Variants in DIO1 observed in about 807,000 individuals in gnomAD.
The protein encoded by DIO1 is iodothyronine deiodinase 1.
DIO1 carries 17 observed loss-of-function variants against 25.9 expected under a neutral mutation model. That is an observed-to-expected ratio of 0.66 (90% CI 0.45 to 0.98). The LOEUF is 0.98. Among genes scored for constraint, DIO1 ranks in the 50% least tolerant of loss-of-function variants. The pLI is 0.00. For missense variants in DIO1, 270 were observed against 310.4 expected, an observed-to-expected ratio of 0.87 and a Z score of 0.98; for synonymous variants, 115 against 114.0, an observed-to-expected ratio of 1.01 and a Z score of -0.05.
Position 53,906,298 on chromosome 1 carries a change from G to T in DIO1, c.681+4G>T, listed in dbSNP as rs376298409. On this transcript the variant is annotated splice_donor_region_variant and intron_variant, in intron 3 of 3. Coordinates refer to ENST00000361921, the MANE Select transcript of DIO1 (RefSeq NM_000792.7). ...GGAGGGCAGGATCCTCTACAAGGTG[G>T]TGACCTGGGGACAGGGGGCCCAGGG... 6.2e-6 allele frequency: 10 copies of T among 1,607,644 alleles called. No individual in the cohort carries two copies. The Middle Eastern group carries it at 7.3e-4, about 117-fold the overall frequency.
Position 53,910,708 on chromosome 1 carries a change from C to G in DIO1, c.*709C>G, listed in dbSNP as rs1651905386. 1 of 152,348 alleles carries G rather than the reference C, an allele frequency of 6.6e-6. No homozygotes were observed. The highest frequency in any genetic ancestry group is 2.4e-5 in the African/African-American group (1 of 41,454). 9.4% of individuals were successfully genotyped at this position (152,348 alleles called of 1,614,324 possible). A position where few individuals can be genotyped will look rare whatever the true frequency, so the allele number is the denominator to read the frequency against. ...ATCTTTGAATATATTTCATAGAAAT[C>G]TAGCTCTCTGTACCCTGAAATCTTC... is the stretch of plus-strand genomic sequence containing the variant. On this transcript the variant is annotated 3_prime_UTR_variant, in exon 4 of 4. Transcript: ENST00000361921.
chr1:53,899,996 C>T (rs914604814), intron 1 of DIO1, among the ~76,000 whole-genome samples: 2 of 152,296 alleles, frequency 1.3e-5, no homozygotes, highest in African/African-American at 4.8e-5. Flanking sequence ...CCTGGGCCTC[C>T]TTGTCACATG....
Position 53,894,861 on chromosome 1 carries a change from A to G in DIO1, c.337+314A>G, listed in dbSNP as rs903027700. 6.6e-6 allele frequency among the ~76,000 whole-genome samples: 1 copy of G among 152,192 alleles called. No individual in the cohort carries two copies. Among genetic ancestry groups the G allele is most frequent in the African/African-American group, 2.4e-5 (1 of 41,454 alleles). On this transcript the variant is annotated intron_variant, in intron 1 of 3. Transcript: ENST00000361921. The surrounding 1 kb of genome is among the most constrained non-coding windows in gnomAD (Gnocchi z 4.9). Reference sequence around the variant, plus strand: ...CTCTCTGCCTGGTTAACTCTTGTTCAATCTTCAGACTGTTGCTCAATGACG... The same window carrying G: ...CTCTCTGCCTGGTTAACTCTTGTTCGATCTTCAGACTGTTGCTCAATGACG...
chr1:53,906,313 G>A lies in DIO1; in HGVS notation c.681+19G>A, dbSNP rs750192102. 2 of 1,597,126 alleles carry A rather than the reference G, an allele frequency of 1.3e-6. No homozygotes were observed. Among genetic ancestry groups the A allele is most frequent in the South Asian group, 2.2e-5 (2 of 90,148 alleles). ...CTACAAGGTGGTGACCTGGGGACAG[G>A]GGGCCCAGGGAGGGCAAAGGGGCCC... is the stretch of plus-strand genomic sequence containing the variant. On this transcript the variant is annotated intron_variant, in intron 3 of 3. Transcript: ENST00000361921.
chr1:53,895,644 A>G (rs1245240808), intron 1 of DIO1, among the ~76,000 whole-genome samples: 1 of 152,162 alleles, frequency 6.6e-6, no homozygotes, highest in Non-Finnish European at 1.5e-5. Context: ...TACCAGCTCA[A>G]CCACTTTCAG....
At chr1:53,903,516 T>A (rs1017194465) in intron 1 of DIO1, among the ~76,000 whole-genome samples, 2 of 151,790 alleles carry the variant, frequency 1.3e-5, no homozygotes, top group African/African-American at 4.9e-5. Flanking sequence ...AAAGACACGA[T>A]GCCAGGTCAA....
chr1:53,896,366 C>T (rs1165898513), intron 1 of DIO1, among the ~76,000 whole-genome samples: 1 of 151,942 alleles, frequency 6.6e-6, no homozygotes, highest in Non-Finnish European at 1.5e-5. Flanking sequence ...AACAAGTGCA[C>T]ACCACAATGC....
In DIO1 at chr1:53,894,695, A is replaced by G; in HGVS notation, c.337+148A>G. The G allele has an allele frequency of 1.4e-6, 1 of 733,494 alleles. No individual in the cohort carries two copies. Among genetic ancestry groups the G allele is most frequent in the Non-Finnish European group, 2.2e-6 (1 of 460,086 alleles). 45.4% of individuals were successfully genotyped at this position (733,494 alleles called of 1,614,324 possible). On this transcript the variant is annotated intron_variant, in intron 1 of 3. Transcript: ENST00000361921. This position sits in a 1 kb window ranked among gnomAD's most constrained non-coding sequence, Gnocchi z 4.9. ...TCCTCTTCCTGCTTCCTGAAACTAG[A>G]ACTTCTTGTGGATTGTTTCTCTAAG... is the stretch of plus-strand genomic sequence containing the variant.
chr1:53,905,251 T>C (rs937535169), intron 2 of DIO1, among the ~76,000 whole-genome samples: 14 of 149,872 alleles, frequency 9.3e-5, no homozygotes, highest in African/African-American at 3.2e-4. Context: ...CATGGCTCAC[T>C]GCAGCCTCAA....
intron 3 of DIO1, among the ~76,000 whole-genome samples, chr1:53,907,913 GAAAAAAA>G (rs34264508): frequency 6.4e-5 from 3 of 46,782 alleles, no homozygotes; most frequent in South Asian, 1.2e-3. Context: ...CTCTGTCTCG[GAAAAAAA>G]AAAAAAAAAA....
At chr1:53,904,311 GA>G (rs774511166) in intron 1 of DIO1, among the ~76,000 whole-genome samples, 52 of 152,236 alleles carry the variant, frequency 3.4e-4, no homozygotes, top group African/African-American at 9.9e-4. Flanking sequence ...AAAATGGGGG[GA>G]AAAAATGACC....
chr1:53,894,201 C>A lies in DIO1; in HGVS notation c.-10C>A. On this transcript the variant is annotated 5_prime_UTR_variant, in exon 1 of 4. Coordinates refer to ENST00000361921, the MANE Select transcript of DIO1 (RefSeq NM_000792.7). This position sits in a 1 kb window ranked among gnomAD's most constrained non-coding sequence, Gnocchi z 4.9. ...CCATAGAACTCAGAGCTTACTCTGGCTTTGCCGAGATGGGGCTGCCCCAGC... is the reference window on the plus strand; with the variant it reads ...CCATAGAACTCAGAGCTTACTCTGGATTTGCCGAGATGGGGCTGCCCCAGC... 1 of 1,607,904 alleles carries A rather than the reference C, an allele frequency of 6.2e-7. No homozygotes were observed. Among genetic ancestry groups the A allele is most frequent in the Non-Finnish European group, 8.5e-7 (1 of 1,176,336 alleles).
chr1:53,907,913 G>GAA (rs34264508), intron 3 of DIO1, among the ~76,000 whole-genome samples: 3 of 46,772 alleles, frequency 6.4e-5, no homozygotes, highest in Admixed American at 2.3e-4. Flanking sequence ...CTCTGTCTCG[G>GAA]AAAAAAAAAA....
chr1:53,901,898 C>CAA (rs11291749), intron 1 of DIO1, among the ~76,000 whole-genome samples: 3 of 130,524 alleles, frequency 2.3e-5, no homozygotes, highest in South Asian at 4.8e-4. Context: ...TCTCATCTCT[C>CAA]AAAAAAAAAA....
chr1:53,908,198 G>A (rs548321433), intron 3 of DIO1, among the ~76,000 whole-genome samples: 120 of 152,088 alleles, frequency 7.9e-4, no homozygotes, highest in African/African-American at 2.8e-3. Context: ...CTCCAGTCTT[G>A]GCAACAGAGC....
At chr1:53,900,853 G>A (rs1019698034) in intron 1 of DIO1, among the ~76,000 whole-genome samples, 1 of 151,946 alleles carries the variant, frequency 6.6e-6, no homozygotes, top group African/African-American at 2.4e-5. Flanking sequence ...CTCATTCTGT[G>A]GCCCAGGCTG....
chr1:53,910,305 C>T lies in DIO1; in HGVS notation c.*306C>T, dbSNP rs1169786345. 2.7e-6 allele frequency: 1 copy of T among 373,922 alleles called. No homozygotes were observed. The highest frequency in any genetic ancestry group is 3.1e-5 in the South Asian group (1 of 32,606). The allele number at this position is 373,922 out of a possible 1,614,324, so 23.2% of individuals were successfully genotyped here. ...CTGCTCCCACTTTGGAGACCACATT[C>T]CCTGCACACGGTCTTTGAGAGAGCA... On this transcript the variant is annotated 3_prime_UTR_variant, in exon 4 of 4. Coordinates refer to ENST00000361921, the MANE Select transcript of DIO1 (RefSeq NM_000792.7).
Position 53,904,757 on chromosome 1 carries a change from T to C in DIO1, c.429T>C (p.Phe143=). The C allele has an allele frequency of 1.2e-6, 2 of 1,613,648 alleles. No individual in the cohort carries two copies. Among genetic ancestry groups the C allele is most frequent in the Non-Finnish European group, 1.7e-6 (2 of 1,179,802 alleles). ...FDQFKRLIED[F]SSIADFLVIY... ...AGTTCAAGAGGCTTATTGAAGACTT[T>C]AGTTCCATAGCAGATTTTCTTGTCA... The change falls in exon 2 of 4, where the codon TTT becomes TTC. Residue 143 remains phenylalanine, a synonymous_variant. Coordinates refer to ENST00000361921, the MANE Select transcript of DIO1 (RefSeq NM_000792.7).
At position 53,906,243 on chromosome 1, in the gene DIO1, A is replaced by G; in HGVS notation, c.630A>G (p.Ala210=). The G allele has an allele frequency of 6.2e-7, 1 of 1,614,134 alleles. No individual in the cohort carries two copies. The highest frequency in any genetic ancestry group is 8.5e-7 in the Non-Finnish European group (1 of 1,179,994). Residue 210 remains alanine (A), a synonymous_variant, in exon 3 of 4, where the codon GCA becomes GCG. Transcript: ENST00000361921. ...TMQNQSSQLY[A]ALPERLYIIQ... ...AGAACCAGAGCAGCCAGCTCTACGC[A>G]GCACTGCCTGAGAGGCTCTACATAA...
Sources: gnomAD v4.1 joint callset for allele counts (sites outside exome capture counted in the v4.1 genomes callset) on GRCh38, gnomAD v4.1.1 for gene constraint, Gnocchi (gnomAD v3.1) non-coding constraint, MANE v1.5 for transcripts, NCBI Gene and HGNC (gene_info 2026-07-23, HGNC 2026-07-21) for gene names.